TSHR: variants seen among roughly 807,000 people sequenced by gnomAD.
The protein encoded by TSHR is thyroid stimulating hormone receptor, also known as thyrotropin receptor.
Under a neutral mutation model 64.1 loss-of-function variants are expected in TSHR, and 51 were observed. The ratio of observed to expected loss-of-function variants is 0.80; its 90% CI spans 0.64 to 1.01. The LOEUF (loss-of-function observed/expected upper bound fraction) is 1.01. TSHR is among the 50% of genes least tolerant of loss of function. The pLI, the probability that TSHR is intolerant of heterozygous loss-of-function variation, is 0.00. For synonymous variants in TSHR, 361 were observed against 361.9 expected, an observed-to-expected ratio of 1.00 and a Z score of 0.03; for missense variants, 877 against 942.8, an observed-to-expected ratio of 0.93 and a Z score of 0.91.
intron 1 of TSHR, among the ~76,000 whole-genome samples, chr14:80,996,502 G>A (rs765992813): frequency 6.6e-6 from 1 of 152,170 alleles, no homozygotes. Context: ...ACCAGCAGAG[G>A]GAGCACAAAG....
intron 1 of TSHR, chr14:81,001,753 T>C: frequency 2.6e-6 from 1 of 382,358 alleles, no homozygotes; most frequent in Non-Finnish European, 5.2e-6. Flanking sequence ...ATTCTTGATT[T>C]GCCTGATTTT....
chr14:81,114,626 C>CA (rs1566822089), intron 8 of TSHR, among the ~76,000 whole-genome samples: 1 of 152,194 alleles, frequency 6.6e-6, no homozygotes, highest in Admixed American at 6.5e-5. Flanking sequence ...ATTGCACAGG[C>CA]GTGCTTAGGT....
chr14:81,058,580 CT>C (rs1885993192), intron 1 of TSHR, among the ~76,000 whole-genome samples: 2 of 152,014 alleles, frequency 1.3e-5, no homozygotes, highest in African/African-American at 4.8e-5. Context: ...TCATCATTGT[CT>C]TCTTATTGTG....
At chr14:81,028,198 A>G (rs1258840217) in intron 1 of TSHR, among the ~76,000 whole-genome samples, 1 of 152,212 alleles carries the variant, frequency 6.6e-6, no homozygotes, top group Non-Finnish European at 1.5e-5. Context: ...TAGAAATCAC[A>G]GACCAATGGT....
intron 8 of TSHR, among the ~76,000 whole-genome samples, chr14:81,126,602 G>A (rs149453275): frequency 6.6e-6 from 1 of 152,142 alleles, no homozygotes; most frequent in Admixed American, 6.5e-5. Context: ...GAACATAAAA[G>A]AATTTTTGCT....
intron 1 of TSHR, among the ~76,000 whole-genome samples, chr14:80,974,018 G>T (rs1887735199): frequency 6.6e-6 from 1 of 152,260 alleles, no homozygotes; most frequent in South Asian, 2.1e-4. Context: ...AGTAAGATCT[G>T]TAAAATCTGC....
intron 7 of TSHR, among the ~76,000 whole-genome samples, chr14:81,108,045 G>T (rs1302607963): frequency 6.6e-6 from 1 of 151,972 alleles, no homozygotes; most frequent in Admixed American, 6.6e-5. Flanking sequence ...TATTACAGAG[G>T]ATTGGCATTA....
chr14:81,132,440 G>C (rs949887270), intron 8 of TSHR, among the ~76,000 whole-genome samples: 5 of 152,162 alleles, frequency 3.3e-5, no homozygotes, highest in Non-Finnish European at 5.9e-5. Flanking sequence ...GGTTCAATTT[G>C]CTCTTCCTAT....
At chr14:80,966,707 A>C (rs1408811511) in intron 1 of TSHR, among the ~76,000 whole-genome samples, 2 of 152,192 alleles carry the variant, frequency 1.3e-5, no homozygotes, top group African/African-American at 2.4e-5. Context: ...CATTTTAAAT[A>C]GTCAGCAAGG....
intron 1 of TSHR, among the ~76,000 whole-genome samples, chr14:81,021,033 G>C (rs371705516): frequency 3.0e-4 from 45 of 151,732 alleles, no homozygotes; most frequent in African/African-American, 1.1e-3. Flanking sequence ...AAACAAGCTC[G>C]GGGCTCCCAC....
At chr14:81,104,712 C>T in intron 7 of TSHR, 2 of 985,388 alleles carry the variant, frequency 2.0e-6, no homozygotes, top group Non-Finnish European at 2.4e-6. Flanking sequence ...CATTCCTCAC[C>T]ACCTTCATTT....
chr14:80,981,812 G>C (rs143386564), intron 1 of TSHR, among the ~76,000 whole-genome samples: 17 of 152,238 alleles, frequency 1.1e-4, no homozygotes, highest in Non-Finnish European at 2.1e-4. Context: ...CCTCTGTATC[G>C]TTGACAGAGG....
chr14:81,114,485 G>A (rs1178883778), intron 8 of TSHR, among the ~76,000 whole-genome samples: 2 of 152,178 alleles, frequency 1.3e-5, no homozygotes, highest in East Asian at 1.9e-4. Context: ...CTTAAAAAAC[G>A]GCGCACCACG....
At chr14:81,048,387 C>G (rs185084906) in intron 1 of TSHR, among the ~76,000 whole-genome samples, 1 of 152,136 alleles carries the variant, frequency 6.6e-6, no homozygotes, top group Admixed American at 6.5e-5. Flanking sequence ...CTTCCTATAT[C>G]TACATGGGCT....
chr14:81,014,121 G>T (rs1890060037), intron 1 of TSHR: 1 of 152,204 alleles, frequency 6.6e-6, no homozygotes, highest in Admixed American at 6.5e-5. Flanking sequence ...TTGGAGATCT[G>T]TTCTGTATCA....
chr14:81,073,841 G>A (rs768042870), intron 3 of TSHR, among the ~76,000 whole-genome samples: 9 of 152,120 alleles, frequency 5.9e-5, no homozygotes, highest in Admixed American at 2.6e-4. Context: ...TGAGGATCCA[G>A]TACAGTAAAG....
At chr14:81,007,391 T>G (rs913493216) in intron 1 of TSHR, among the ~76,000 whole-genome samples, 1 of 152,268 alleles carries the variant, frequency 6.6e-6, no homozygotes, top group African/African-American at 2.4e-5. Context: ...TTTTCTTGTT[T>G]TTGATGGCCC....
chr14:81,049,623 C>G (rs1475089486), intron 1 of TSHR: 4 of 152,198 alleles, frequency 2.6e-5, no homozygotes, highest in Non-Finnish European at 5.9e-5. Flanking sequence ...AGTAAAAGCA[C>G]TACACATATT....
Position 81,083,946 on chromosome 14 carries a change from AACTC to A in TSHR, c.318-4000_318-3997del, listed in dbSNP as rs576452949. Among the ~76,000 whole-genome samples, 317 of 152,288 alleles carry A rather than the reference AACTC, an allele frequency of 2.1e-3. 1 individual carries two copies. The highest frequency in any genetic ancestry group is 3.0e-3 in the Admixed American group (46 of 15,294). ...TTATAAAACCAGCAGATCTCATGAG[AACTC>A]ACTCACTATCACGAGAACAGCATGG... On this transcript the variant is annotated intron_variant, in intron 3 of 9. Coordinates refer to ENST00000298171, the MANE Select transcript of TSHR (RefSeq NM_000369.5).
Sources: gnomAD v4.1 joint callset for allele counts (sites outside exome capture counted in the v4.1 genomes callset) on GRCh38, gnomAD v4.1.1 for gene constraint, MANE v1.5 for transcripts, NCBI Gene and HGNC (gene_info 2026-07-23, HGNC 2026-07-21) for gene names.